The following BACE2 variants were observed in gnomAD, a reference collection of about 807,000 sequenced individuals.
BACE2 encodes beta-secretase 2, also known as 56 kDa aspartic-like protease.
A neutral mutation model predicts 46.2 loss-of-function variants in BACE2; 17 were observed. That is an observed-to-expected ratio of 0.37 (90% CI 0.25 to 0.55). The LOEUF (loss-of-function observed/expected upper bound fraction) is 0.55, where lower values mean the gene tolerates loss of function less well. BACE2 is among the 20% of genes least tolerant of loss of function. The probability of loss-of-function intolerance (pLI) is 0.82; values close to 1 mark genes in which losing one functional copy is unlikely to be tolerated. For synonymous variants in BACE2, 277 were observed against 295.9 expected (o/e 0.94, Z 0.66); for missense variants, 595 against 698.1 (o/e 0.85, Z 1.66).
intron 1 of BACE2, among the ~76,000 whole-genome samples, chr21:41,187,401 C>T (rs1985417728): frequency 6.6e-6 from 1 of 152,204 alleles, no homozygotes; most frequent in Non-Finnish European, 1.5e-5. Context: ...GCTGTGGCTA[C>T]TGTGTGCCTA....
chr21:41,204,103 G>A (rs1229040435), intron 1 of BACE2, among the ~76,000 whole-genome samples: 1 of 152,194 alleles, frequency 6.6e-6, no homozygotes, highest in African/African-American at 2.4e-5. Context: ...TGTAGCCTCC[G>A]CCTCCCGGGT....
rs951484241 is a variant in BACE2, at chr21:41,215,981, G to A, written c.313-10285G>A. Among the ~76,000 whole-genome samples the A allele has an allele frequency of 3.3e-5, 5 of 152,314 alleles. No homozygotes were observed. In the South Asian group the frequency reaches 1.0e-3, roughly 32 times the overall value. On this transcript the variant is annotated intron_variant, in intron 1 of 8. Transcript: ENST00000330333. ...AATTTTGGAAATTCCTAGAATAAAG[G>A]AAGGGGCAGATTAAATTGCTAGCAT... is the stretch of plus-strand genomic sequence containing the variant.
intron 1 of BACE2, among the ~76,000 whole-genome samples, chr21:41,173,180 A>G (rs1325508416): frequency 6.6e-6 from 1 of 152,250 alleles, no homozygotes; most frequent in Admixed American, 6.5e-5. Context: ...TTTAATCCAC[A>G]ACAAGTTCAT....
intron 5 of BACE2, 116 bp downstream of exon 5, chr21:41,243,626 C>T (rs140187448): frequency 1.3e-4 from 142 of 1,114,862 alleles, no homozygotes; most frequent in Non-Finnish European, 1.6e-4. Context: ...GATAAAGGCT[C>T]ATTACATGAA....
chr21:41,252,791 A>G (rs922272354), intron 7 of BACE2, among the ~76,000 whole-genome samples: 3 of 152,340 alleles, frequency 2.0e-5, no homozygotes, highest in African/African-American at 4.8e-5. Flanking sequence ...TTTCAGGAGA[A>G]AAAAAGTAAA....
chr21:41,262,467 T>C (rs1018805340), intron 8 of BACE2, among the ~76,000 whole-genome samples: 3 of 152,154 alleles, frequency 2.0e-5, no homozygotes, highest in African/African-American at 7.2e-5. Flanking sequence ...GGACAATATC[T>C]GGCAGGGACT....
intron 1 of BACE2, among the ~76,000 whole-genome samples, chr21:41,198,832 G>T (rs545517486): frequency 2.0e-5 from 3 of 151,764 alleles, no homozygotes; most frequent in South Asian, 2.1e-4. Context: ...TGATGTGTTG[G>T]TGGATCTCTG....
At position 41,226,363 on chromosome 21, in the gene BACE2, T is replaced by C; in HGVS notation, c.401+9T>C. The stretch of plus-strand genomic sequence containing the variant: ...TACTTTGACACAGAGAGGTAAGCGC[T>C]GGCCCCTTGGCTGGTGTGCTGGGCC... On this transcript the variant is annotated intron_variant, in intron 2 of 8. Transcript: ENST00000330333. 1 of 1,609,884 alleles carries C rather than the reference T, an allele frequency of 6.2e-7. No homozygotes were observed. The highest frequency in any genetic ancestry group is 1.1e-5 in the South Asian group (1 of 89,550).
At chr21:41,204,294 G>GC (rs571082150) in intron 1 of BACE2, among the ~76,000 whole-genome samples, 72 of 152,258 alleles carry the variant, frequency 4.7e-4, no homozygotes, top group African/African-American at 1.3e-3. Context: ...GGCCACCTCG[G>GC]CCCCCCAAAA....
chr21:41,172,557 A>G (rs1234839346), intron 1 of BACE2, among the ~76,000 whole-genome samples: 36 of 152,386 alleles, frequency 2.4e-4, no homozygotes, highest in Non-Finnish European at 4.4e-5. Flanking sequence ...AATCTGGGTC[A>G]GCCCAGCTCA....
rs1984462102 is a variant in BACE2 at position 41,168,451 on chromosome 21, C to T, written c.188C>T (p.Ala63Val). ...AERHADGLAL[A>V]LEPALASPAG... ...CGCCACGCCGACGGCTTGGCGCTCG[C>T]CCTGGAGCCTGCCCTGGCGTCCCCC... The change falls in exon 1 of 9, where the codon GCC becomes GTC. Residue 63 changes from alanine to valine, a missense_variant. Ala to Val is a moderately conservative substitution (Grantham distance 64). This residue lies in a region of BACE2 where 248 missense variants were observed against 261.4 expected (regional missense o/e 0.95). Transcript: ENST00000330333. 1.4e-6 allele frequency: 2 copies of T among 1,398,272 alleles called. No individual in the cohort carries two copies. The highest frequency in any genetic ancestry group is 1.9e-6 in the Non-Finnish European group (2 of 1,073,616). 86.6% of individuals were successfully genotyped at this position (1,398,272 alleles called of 1,614,324 possible). A position where few individuals can be genotyped will look rare whatever the true frequency, so the allele number is the denominator to read the frequency against.
At chr21:41,196,800 C>T (rs778457860) in intron 1 of BACE2, among the ~76,000 whole-genome samples, 10 of 152,308 alleles carry the variant, frequency 6.6e-5, no homozygotes, top group East Asian at 1.9e-4. Context: ...TCCTGGTCTT[C>T]GTTGACGGTG....
intron 1 of BACE2, among the ~76,000 whole-genome samples, chr21:41,174,389 C>T (rs1984729515): frequency 6.6e-6 from 1 of 151,868 alleles, no homozygotes; most frequent in African/African-American, 2.4e-5. Flanking sequence ...GATCTGCCCA[C>T]CTCGGCCTCC....
At chr21:41,178,142 G>A (rs898026580) in intron 1 of BACE2, 2 of 152,276 alleles carry the variant, frequency 1.3e-5, no homozygotes, top group East Asian at 3.9e-4. Context: ...ACCATGCCAA[G>A]ATTGAGAAAT....
intron 8 of BACE2, among the ~76,000 whole-genome samples, chr21:41,259,996 A>G (rs1987891555): frequency 6.6e-6 from 1 of 151,676 alleles, no homozygotes; most frequent in South Asian, 2.1e-4. Context: ...TGCCCTAGAT[A>G]ATTTTTTGTA....
intron 1 of BACE2, among the ~76,000 whole-genome samples, chr21:41,223,800 A>C (rs1346307102): frequency 6.6e-6 from 1 of 152,246 alleles, no homozygotes; most frequent in Non-Finnish European, 1.5e-5. Flanking sequence ...GAATAGGTAG[A>C]GCCCAGAGTG....
At chr21:41,255,497 G>A in intron 7 of BACE2, among the ~76,000 whole-genome samples, 1 of 152,236 alleles carries the variant, frequency 6.6e-6, no homozygotes, top group East Asian at 1.9e-4. Flanking sequence ...AGTGAAGAAA[G>A]CGTCCACACG....
At chr21:41,197,541 A>AT (rs1469422068) in intron 1 of BACE2, among the ~76,000 whole-genome samples, 1 of 152,062 alleles carries the variant, frequency 6.6e-6, no homozygotes, top group Non-Finnish European at 1.5e-5. Context: ...TCATTAGTTG[A>AT]TTTCTACTAC....
At chr21:41,196,779 C>A (rs1402563996) in intron 1 of BACE2, among the ~76,000 whole-genome samples, 2 of 152,192 alleles carry the variant, frequency 1.3e-5, no homozygotes, top group East Asian at 3.9e-4. Context: ...GTTTGGTTCA[C>A]CTGCCGGGTG....
Sources: gnomAD v4.1 joint callset for allele counts (sites outside exome capture counted in the v4.1 genomes callset) on GRCh38, gnomAD v4.1.1 for gene constraint, gnomAD v4.1.1 regional missense constraint, MANE v1.5 for transcripts, NCBI Gene and HGNC (gene_info 2026-07-23, HGNC 2026-07-21) for gene names.